Variants in EFHC2 observed in about 807,000 individuals in gnomAD.
The protein encoded by EFHC2 is EF-hand domain containing 2.
A neutral mutation model predicts 52.7 loss-of-function variants in EFHC2; 18 were observed. The ratio of observed to expected loss-of-function variants is 0.34; its 90% CI spans 0.24 to 0.51. EFHC2 has a LOEUF of 0.51. EFHC2 is among the 20% of genes least tolerant of loss of function. EFHC2 has a pLI of 0.97. For synonymous variants in EFHC2, 203 were observed against 204.1 expected (o/e 0.99, Z 0.04); for missense variants, 513 against 562.5 (o/e 0.91, Z 0.89).
chrX:44,294,544 A>G (rs2037814775), intron 2 of EFHC2, among the ~76,000 whole-genome samples: 1 of 110,773 alleles, frequency 9.0e-6, no homozygotes, highest in African/African-American at 3.3e-5. Context: ...TATGTTATTT[A>G]TTTCCCACAA....
chrX:44,262,352 T>TA (rs958377439), intron 3 of EFHC2, among the ~76,000 whole-genome samples: 4 of 104,033 alleles, frequency 3.8e-5, no homozygotes, highest in African/African-American at 1.1e-4. Context: ...AAAAATTAAT[T>TA]AAAAAAAAAT....
At chrX:44,251,597 T>TGA in intron 4 of EFHC2, among the ~76,000 whole-genome samples, 1 of 12,555 alleles carries the variant, frequency 8.0e-5, no homozygotes, top group Middle Eastern at 0.045. Context: ...CAATACTCTG[T>TGA]AAAAAAAAAA....
chrX:44,338,241 T>A (rs776127428), intron 1 of EFHC2, among the ~76,000 whole-genome samples: 18 of 111,073 alleles, frequency 1.6e-4, no homozygotes, highest in Non-Finnish European at 3.4e-4. Context: ...CTTTGAAGGG[T>A]GAGAGATGAG....
At chrX:44,177,330 G>A (rs778478713) in intron 12 of EFHC2, among the ~76,000 whole-genome samples, 5 of 112,254 alleles carry the variant, frequency 4.5e-5, no homozygotes, top group East Asian at 2.8e-4. Flanking sequence ...TTATTTCTAA[G>A]ACAAACTATG....
chrX:44,266,633 C>A (rs759377160), intron 3 of EFHC2, among the ~76,000 whole-genome samples: 29 of 111,293 alleles, frequency 2.6e-4, no homozygotes, highest in African/African-American at 9.1e-4. Context: ...CCATGCCCAG[C>A]CAAATTCTTT....
intron 11 of EFHC2, among the ~76,000 whole-genome samples, chrX:44,229,066 A>G (rs1416289651): frequency 8.9e-6 from 1 of 112,184 alleles, no homozygotes; most frequent in African/African-American, 3.2e-5. Flanking sequence ...CCCAGAATTC[A>G]GCTTCACCTT....
chrX:44,215,003 C>T (rs1038688344), intron 11 of EFHC2, among the ~76,000 whole-genome samples: 15 of 111,322 alleles, frequency 1.3e-4, no homozygotes, highest in African/African-American at 4.9e-4. Context: ...GAGGTAATTA[C>T]ATCATGGGGG....
intron 1 of EFHC2, among the ~76,000 whole-genome samples, chrX:44,331,884 A>G (rs2038088967): frequency 9.0e-6 from 1 of 111,063 alleles, no homozygotes; most frequent in African/African-American, 3.3e-5. Context: ...TGATCATGCC[A>G]CTGCACTCCA....
intron 4 of EFHC2, among the ~76,000 whole-genome samples, chrX:44,258,948 G>A (rs1256818897): frequency 9.0e-6 from 1 of 111,375 alleles, no homozygotes; most frequent in Non-Finnish European, 1.9e-5. Flanking sequence ...TACACTGTTG[G>A]TGGGAGTGTA....
chrX:44,340,473 G>A (rs1260244243), intron 1 of EFHC2, among the ~76,000 whole-genome samples: 1 of 109,577 alleles, frequency 9.1e-6, no homozygotes, highest in Non-Finnish European at 1.9e-5. Context: ...CCAACATGGT[G>A]AAACCCCGTC....
intron 13 of EFHC2, among the ~76,000 whole-genome samples, chrX:44,175,824 T>G (rs1014253454): frequency 9.0e-6 from 1 of 111,361 alleles, no homozygotes; most frequent in Non-Finnish European, 1.9e-5. Flanking sequence ...AACTGATGTG[T>G]TTTAGAAAGC....
intron 7 of EFHC2, among the ~76,000 whole-genome samples, chrX:44,245,905 C>A (rs1201082076): frequency 2.7e-5 from 3 of 111,570 alleles, no homozygotes; most frequent in African/African-American, 9.8e-5. Flanking sequence ...CGTTAGAAAT[C>A]TCCCGTGACT....
At chrX:44,340,178 T>C (rs1026804078) in intron 1 of EFHC2, among the ~76,000 whole-genome samples, 1 of 111,305 alleles carries the variant, frequency 9.0e-6, no homozygotes, top group Non-Finnish European at 1.9e-5. Flanking sequence ...AGAGTGATCT[T>C]TTCCAAAAAT....
chrX:44,283,434 G>A (rs2037724350), intron 2 of EFHC2, among the ~76,000 whole-genome samples: 1 of 111,348 alleles, frequency 9.0e-6, no homozygotes, highest in African/African-American at 3.3e-5. Context: ...CGCCCACCTC[G>A]GCCTCCCAAA....
intron 13 of EFHC2, among the ~76,000 whole-genome samples, chrX:44,169,695 C>T (rs1234253131): frequency 1.9e-5 from 2 of 106,660 alleles, no homozygotes; most frequent in Non-Finnish European, 3.9e-5. Flanking sequence ...GGGTGTTAAG[C>T]ACAATGAATC....
At chrX:44,301,109 C>CAA (rs777876518) in intron 2 of EFHC2, among the ~76,000 whole-genome samples, 2 of 42,758 alleles carry the variant, frequency 4.7e-5, no homozygotes, top group Admixed American at 3.0e-4. Flanking sequence ...GACTCTATCT[C>CAA]AAAAAAAAAA....
intron 3 of EFHC2, among the ~76,000 whole-genome samples, chrX:44,268,818 A>C (rs746640914): frequency 1.8e-5 from 2 of 112,057 alleles, no homozygotes; most frequent in Non-Finnish European, 3.8e-5. Flanking sequence ...ACCCTAAAGA[A>C]TCTAAAACCT....
chrX:44,189,120 C>T (rs2036900212), intron 11 of EFHC2, among the ~76,000 whole-genome samples: 1 of 53,356 alleles, frequency 1.9e-5, no homozygotes, highest in African/African-American at 8.5e-5. Flanking sequence ...AAGACTCTAT[C>T]TCAAAAAAAA....
chrX:44,150,149 T>G (rs2036558979), intron 14 of EFHC2, among the ~76,000 whole-genome samples: 1 of 112,155 alleles, frequency 8.9e-6, no homozygotes, highest in South Asian at 3.7e-4. Context: ...TAAGAGGTTC[T>G]ATATCTTTAC....
Sources: gnomAD v4.1 joint callset for allele counts (sites outside exome capture counted in the v4.1 genomes callset) on GRCh38, gnomAD v4.1.1 for gene constraint, MANE v1.5 for transcripts, NCBI Gene and HGNC (gene_info 2026-07-23, HGNC 2026-07-21) for gene names.